The following VAV1 variants were observed in gnomAD, a reference collection of about 807,000 sequenced individuals.
The protein encoded by VAV1 is proto-oncogene vav.
In VAV1, 33 loss-of-function variants were observed where a neutral mutation model predicts 128.1. The ratio of observed to expected loss-of-function variants is 0.26; its 90% CI spans 0.20 to 0.34. The LOEUF (loss-of-function observed/expected upper bound fraction) is 0.34. Among genes scored for constraint, VAV1 ranks in the 10% least tolerant of loss-of-function variants. The pLI is 1.00. For synonymous variants in VAV1, 394 were observed against 409.8 expected, an observed-to-expected ratio of 0.96 and a Z score of 0.47; for missense variants, 715 against 1,093.7, an observed-to-expected ratio of 0.65 and a Z score of 4.88.
chr19:6,772,753 G>T lies in VAV1; in HGVS notation c.-55G>T. The T allele has an allele frequency of 3.2e-6, 5 of 1,567,186 alleles. No individual in the cohort carries two copies. The East Asian group carries it at 1.1e-4, about 36-fold the overall frequency. On this transcript the variant is annotated 5_prime_UTR_variant, in exon 1 of 27. Coordinates refer to ENST00000602142, the MANE Select transcript of VAV1 (RefSeq NM_005428.4). This position sits in a 1 kb window ranked among gnomAD's most constrained non-coding sequence, Gnocchi z 4.8. ...AGGCGAGCAGGGCAGGCGTGCGGGC[G>T]GGTGGGTGGTGGAGGCTGCGAGGGT... is the stretch of plus-strand genomic sequence containing the variant.
intron 1 of VAV1, among the ~76,000 whole-genome samples, chr19:6,788,350 T>TTTTTTA: frequency 7.0e-6 from 1 of 141,972 alleles, no homozygotes; most frequent in African/African-American, 2.6e-5. Context: ...TTCTTTTTAT[T>TTTTTTA]TTATTATTAT....
Position 6,826,587 on chromosome 19 carries a change from C to G in VAV1, c.828-25C>G. 1 of 1,538,336 alleles carries G rather than the reference C, an allele frequency of 6.5e-7. No homozygotes were observed. Among genetic ancestry groups the G allele is most frequent in the Non-Finnish European group, 8.8e-7 (1 of 1,136,298 alleles). On this transcript the variant is annotated intron_variant, in intron 8 of 26. Transcript: ENST00000602142. The surrounding 1 kb of genome is among the most constrained non-coding windows in gnomAD (Gnocchi z 4.1). Reference sequence around the variant, plus strand: ...CGACCTTGATGCCAGTCACCTTTACCTGGTGGCCTGTCTTCTCCCTGTAGG... The same window carrying G: ...CGACCTTGATGCCAGTCACCTTTACGTGGTGGCCTGTCTTCTCCCTGTAGG...
intron 1 of VAV1, among the ~76,000 whole-genome samples, chr19:6,776,301 CATCCATCCATCCATCCATCCATCT>C (rs1354341514): frequency 1.3e-5 from 2 of 150,134 alleles, no homozygotes; most frequent in East Asian, 3.9e-4. Flanking sequence ...TCCATCCATC[CATCCATCCATCCATCCATCCATCT>C]GCTCATCCAT....
intron 1 of VAV1, among the ~76,000 whole-genome samples, chr19:6,781,897 T>C (rs1480199261): frequency 1.3e-5 from 2 of 152,178 alleles, no homozygotes; most frequent in Non-Finnish European, 2.9e-5. Flanking sequence ...CATCTCTTAC[T>C]GATTTTTAGG....
chr19:6,789,378 G>A (rs1254764802), intron 1 of VAV1, among the ~76,000 whole-genome samples: 2 of 151,694 alleles, frequency 1.3e-5, no homozygotes, highest in Admixed American at 6.6e-5. Flanking sequence ...TCAGCCTCCC[G>A]AGTAGCTGGG....
chr19:6,832,494 TTTCTCC>T, intron 15 of VAV1, among the ~76,000 whole-genome samples: 1 of 135,460 alleles, frequency 7.4e-6, no homozygotes, highest in African/African-American at 2.7e-5. Context: ...CCTCCTCCTC[TTTCTCC>T]TTCTCCTTTC....
intron 1 of VAV1, among the ~76,000 whole-genome samples, chr19:6,814,268 C>T (rs1379327757): frequency 6.6e-6 from 1 of 152,172 alleles, no homozygotes; most frequent in African/African-American, 2.4e-5. Context: ...ATCATTCAAT[C>T]AGTTCTAGCA....
intron 7 of VAV1, 40 bp from the exon 8 acceptor site, chr19:6,825,263 C>T (rs762871958): frequency 6.3e-7 from 1 of 1,594,290 alleles, no homozygotes. Flanking sequence ...CCCCTGAGCC[C>T]TGGGCTCTGG....
intron 1 of VAV1, among the ~76,000 whole-genome samples, chr19:6,814,671 C>CTTTCTTTCCTTCTTTCTTT (rs540074087): frequency 3.9e-5 from 1 of 25,796 alleles, no homozygotes; most frequent in African/African-American, 1.6e-4. Context: ...TTCCTTCCTT[C>CTTTCTTTCCTTCTTTCTTT]CTTTCTTTCT....
rs151222361 is a variant in VAV1, at chr19:6,832,653, TTCCTCCTCC to T, written c.1508+462_1508+470del. ...CCTCCTCCTCCCTTTCCTCCCCTTC[TTCCTCCTCC>T]TCCTCCTCTTCCTCCTCTTCTTTCT... On this transcript the variant is annotated intron_variant, in intron 15 of 26. Coordinates refer to ENST00000602142, the MANE Select transcript of VAV1 (RefSeq NM_005428.4). Among the ~76,000 whole-genome samples, 54 of 119,786 alleles carry T rather than the reference TTCCTCCTCC, an allele frequency of 4.5e-4. No individual in the cohort carries two copies. In the East Asian group the frequency reaches 8.1e-3, roughly 18 times the overall value. 78.6% of individuals were successfully genotyped at this position (119,786 alleles called of 152,430 possible). A position where few individuals can be genotyped will look rare whatever the true frequency, so the allele number is the denominator to read the frequency against.
intron 1 of VAV1, among the ~76,000 whole-genome samples, chr19:6,814,687 T>TCCTTCCTTC (rs1971596504): frequency 9.5e-6 from 1 of 105,220 alleles, no homozygotes; most frequent in African/African-American, 5.4e-5. Flanking sequence ...TTTCTTTCTT[T>TCCTTCCTTC]CTTTCTTTCT....
chr19:6,835,020 G>C (rs1972186404), intron 19 of VAV1, among the ~76,000 whole-genome samples: 1 of 151,720 alleles, frequency 6.6e-6, no homozygotes, highest in Non-Finnish European at 1.5e-5. Context: ...GCCAACCTGG[G>C]CAACAGAGCA....
At position 6,785,511 on chromosome 19, in the gene VAV1, T is replaced by C. The variant is rs1970868820; in HGVS notation, c.204+12500T>C. Among the ~76,000 whole-genome samples the C allele has an allele frequency of 2.0e-5, 3 of 151,966 alleles. No individual in the cohort carries two copies. In the South Asian group the frequency reaches 6.2e-4, roughly 32 times the overall value. ...CATGCCTGGCTAATTTCTGTATTTT[T>C]AGTAGAGACGGAGTTTCACCATGTT... On this transcript the variant is annotated intron_variant, in intron 1 of 26. Coordinates refer to ENST00000602142, the MANE Select transcript of VAV1 (RefSeq NM_005428.4).
At chr19:6,833,082 A>G (rs1972125186) in intron 15 of VAV1, 102 bp from the exon 16 acceptor site, 1 of 976,414 alleles carries the variant, frequency 1.0e-6, no homozygotes, top group African/African-American at 1.7e-5. Context: ...ATGAGTGGAC[A>G]CGCAAAACGT....
intron 1 of VAV1, among the ~76,000 whole-genome samples, chr19:6,776,307 T>TG: frequency 6.7e-6 from 1 of 149,202 alleles, no homozygotes; most frequent in Non-Finnish European, 1.5e-5. Context: ...CATCCATCCA[T>TG]CCATCCATCC....
At chr19:6,825,220 A>G (rs1368395781) in intron 7 of VAV1, 83 bp from the exon 8 acceptor site, 5 of 1,575,958 alleles carry the variant, frequency 3.2e-6, no homozygotes, top group Admixed American at 1.7e-5. Context: ...GTTGAGCGGC[A>G]TGGGGCGGGT....
chr19:6,804,966 C>T (rs547644289), intron 1 of VAV1, among the ~76,000 whole-genome samples: 5 of 150,578 alleles, frequency 3.3e-5, no homozygotes, highest in South Asian at 4.2e-4. Context: ...CTTCCTGAGG[C>T]GTGAACCACC....
intron 22 of VAV1, among the ~76,000 whole-genome samples, chr19:6,845,153 G>A (rs1338520252): frequency 6.6e-6 from 1 of 152,112 alleles, no homozygotes; most frequent in Non-Finnish European, 1.5e-5. Context: ...GGCCGAGGCG[G>A]GTCGATCACT....
At chr19:6,855,851 A>G (rs551110298) in intron 26 of VAV1, among the ~76,000 whole-genome samples, 1 of 151,338 alleles carries the variant, frequency 6.6e-6, no homozygotes, top group South Asian at 2.1e-4. Context: ...CTATCCATTC[A>G]TTATCTATCT....
Sources: gnomAD v4.1 joint callset for allele counts (sites outside exome capture counted in the v4.1 genomes callset) on GRCh38, gnomAD v4.1.1 for gene constraint, Gnocchi (gnomAD v3.1) non-coding constraint, MANE v1.5 for transcripts, NCBI Gene and HGNC (gene_info 2026-07-23, HGNC 2026-07-21) for gene names.